The following SV2C variants were observed in gnomAD, a reference collection of about 807,000 sequenced individuals.
The protein encoded by SV2C is solute carrier family 22 member B3.
SV2C carries 49 observed loss-of-function variants against 79.7 expected under a neutral mutation model. That is an observed-to-expected ratio of 0.61 (90% confidence interval 0.49 to 0.78). The LOEUF is 0.78. SV2C is among the 30% of genes least tolerant of loss of function. The pLI is 0.00. For synonymous variants in SV2C, 334 were observed against 333.2 expected (o/e 1.00, Z -0.03); for missense variants, 833 against 912.9 (o/e 0.91, Z 1.13).
chr5:76,224,425 C>T (rs1051102945), intron 4 of SV2C, among the ~76,000 whole-genome samples: 2 of 152,156 alleles, frequency 1.3e-5, no homozygotes, highest in African/African-American at 2.4e-5. Flanking sequence ...CTGAATTTAT[C>T]ATTAACCTAA....
chr5:76,051,276 G>A, the SV2C span, among the ~76,000 whole-genome samples: 1 of 152,136 alleles, frequency 6.6e-6, no homozygotes, highest in Admixed American at 6.6e-5. Flanking sequence ...GGATTAATGT[G>A]TTGAAATAAT....
intron 1 of SV2C, among the ~76,000 whole-genome samples, chr5:76,095,151 T>A (rs1454622859): frequency 6.6e-6 from 1 of 152,042 alleles, no homozygotes; most frequent in East Asian, 1.9e-4. Flanking sequence ...CAGAGGCTTT[T>A]AAATTAACAG....
At chr5:75,853,966 C>T in the SV2C span, among the ~76,000 whole-genome samples, 3 of 139,238 alleles carry the variant, frequency 2.2e-5, no homozygotes, top group Non-Finnish European at 4.6e-5. Context: ...TGTACTACCA[C>T]AATTAAAATA....
chr5:76,260,192 A>T (rs1746416662), intron 4 of SV2C, among the ~76,000 whole-genome samples: 2 of 152,210 alleles, frequency 1.3e-5, no homozygotes. Flanking sequence ...TCTAATGAGC[A>T]GTGATGATGA....
In SV2C at chr5:76,294,305, T is replaced by TCTC. The variant is rs372804604; in HGVS notation, c.1338-1473_1338-1472insCTC. On this transcript the variant is annotated intron_variant, in intron 8 of 12. Transcript: ENST00000502798. ...TTTTGTTTCATTCATTCTCTCTCTC[T>TCTC]TTTTTTTTTTTTTTTTTGATGGAGT... Among the ~76,000 whole-genome samples the TCTC allele has an allele frequency of 4.7e-4, 22 of 46,526 alleles. No homozygotes were observed. In the South Asian group the frequency reaches 0.011, roughly 24 times the overall value. The allele number at this position is 46,526 out of a possible 152,430, so 30.5% of individuals were successfully genotyped here.
At chr5:75,994,860 C>G in the SV2C span, among the ~76,000 whole-genome samples, 3 of 152,100 alleles carry the variant, frequency 2.0e-5, no homozygotes, top group Admixed American at 1.3e-4. Flanking sequence ...AGTATGAGTT[C>G]AAAGGCCTGA....
At chr5:76,310,909 T>C (rs895702638) in intron 12 of SV2C, among the ~76,000 whole-genome samples, 1 of 151,732 alleles carries the variant, frequency 6.6e-6, no homozygotes, top group South Asian at 2.1e-4. Context: ...GCTGGCAGAG[T>C]GGAATACAAA....
At chr5:75,976,100 G>A in the SV2C span, among the ~76,000 whole-genome samples, 1 of 152,130 alleles carries the variant, frequency 6.6e-6, no homozygotes, top group Non-Finnish European at 1.5e-5. Flanking sequence ...TGAATGGCAG[G>A]TATAGTTAAT....
At chr5:75,953,474 CGTA>C in the SV2C span, among the ~76,000 whole-genome samples, 1 of 151,956 alleles carries the variant, frequency 6.6e-6, no homozygotes, top group South Asian at 2.1e-4. Context: ...CCTCACCATA[CGTA>C]GTAGATGTTT....
chr5:75,925,389 T>G, the SV2C span, among the ~76,000 whole-genome samples: 1 of 152,230 alleles, frequency 6.6e-6, no homozygotes, highest in Non-Finnish European at 1.5e-5. Context: ...TTACGATATT[T>G]AATCACATTT....
intron 3 of SV2C, among the ~76,000 whole-genome samples, chr5:76,196,811 G>A (rs1175978075): frequency 1.3e-5 from 2 of 152,194 alleles, no homozygotes; most frequent in African/African-American, 4.8e-5. Context: ...AATTATTGTG[G>A]CAATTTTAAT....
chr5:75,942,214 C>T, the SV2C span, among the ~76,000 whole-genome samples: 1 of 152,204 alleles, frequency 6.6e-6, no homozygotes. Context: ...CCCTATGTAT[C>T]TCTTCATCCA....
chr5:76,123,450 T>A (rs988215571), intron 1 of SV2C, among the ~76,000 whole-genome samples: 7 of 152,152 alleles, frequency 4.6e-5, no homozygotes, highest in African/African-American at 1.7e-4. Flanking sequence ...ACCAATATCC[T>A]TGATGAACAT....
At chr5:76,185,690 T>C (rs572377158) in intron 2 of SV2C, among the ~76,000 whole-genome samples, 1 of 152,344 alleles carries the variant, frequency 6.6e-6, no homozygotes, top group Non-Finnish European at 1.5e-5. Context: ...GTTCCAAGGC[T>C]GCATAGCAGC....
chr5:76,262,119 A>G (rs950912479), intron 4 of SV2C, among the ~76,000 whole-genome samples: 3 of 151,716 alleles, frequency 2.0e-5, no homozygotes, highest in African/African-American at 7.3e-5. Context: ...CCTCAGTTTC[A>G]GAACTTGTCT....
the SV2C span, among the ~76,000 whole-genome samples, chr5:75,967,615 G>A: frequency 0.011 from 1,610 of 152,302 alleles, 27 homozygotes; most frequent in African/African-American, 0.031. Context: ...GTGGCAGCGA[G>A]GCTGGGGGAG....
chr5:75,958,336 G>A, the SV2C span, among the ~76,000 whole-genome samples: 8 of 151,944 alleles, frequency 5.3e-5, no homozygotes, highest in African/African-American at 1.9e-4. Flanking sequence ...GGTTCTGTCT[G>A]TGAGGGTGTT....
At chr5:76,058,174 G>A in the SV2C span, among the ~76,000 whole-genome samples, 1 of 152,132 alleles carries the variant, frequency 6.6e-6, no homozygotes, top group African/African-American at 2.4e-5. Context: ...GCTATGGTGA[G>A]AGGAGGGGCA....
chr5:75,998,134 T>C, the SV2C span, among the ~76,000 whole-genome samples: 1 of 151,910 alleles, frequency 6.6e-6, no homozygotes, highest in Non-Finnish European at 1.5e-5. Context: ...AGGTGAGAAT[T>C]GAACAATGAG....
Sources: gnomAD v4.1 joint callset for allele counts (sites outside exome capture counted in the v4.1 genomes callset) on GRCh38, gnomAD v4.1.1 for gene constraint, MANE v1.5 for transcripts, NCBI Gene and HGNC (gene_info 2026-07-23, HGNC 2026-07-21) for gene names.